Variants in RNASEH2B observed in about 807,000 individuals in gnomAD.
RNASEH2B encodes the protein Aicardi-Goutieres syndrome 2 protein.
A neutral mutation model predicts 45.0 loss-of-function variants in RNASEH2B; 36 were observed. The ratio of observed to expected loss-of-function variants is 0.80; its 90% CI spans 0.61 to 1.06. The LOEUF is 1.06. Among genes scored for constraint, RNASEH2B ranks in the 50% least tolerant of loss-of-function variants. The probability of loss-of-function intolerance (pLI) is 0.00; values close to 1 mark genes in which losing one functional copy is unlikely to be tolerated. For missense variants in RNASEH2B, 361 were observed against 360.3 expected (o/e 1.00, Z -0.02); for synonymous variants, 119 against 125.7 (o/e 0.95, Z 0.35).
intron 7 of RNASEH2B, among the ~76,000 whole-genome samples, chr13:50,945,894 T>C (rs1951895001): frequency 6.6e-6 from 1 of 152,170 alleles, no homozygotes; most frequent in Non-Finnish European, 1.5e-5. Context: ...ATAATGAGCA[T>C]CTTGAGGCCC....
intron 9 of RNASEH2B, among the ~76,000 whole-genome samples, chr13:50,964,192 C>T (rs1952142027): frequency 6.6e-6 from 1 of 152,154 alleles, no homozygotes; most frequent in African/African-American, 2.4e-5. Context: ...AGAGGAAACT[C>T]CATCTCAAAA....
chr13:50,927,549 T>C, intron 2 of RNASEH2B, 71 bp downstream of exon 2: 1 of 960,406 alleles, frequency 1.0e-6, no homozygotes, highest in Non-Finnish European at 1.7e-6. Context: ...TTTTATGTCT[T>C]TGTGTCCTTG....
Position 50,953,929 on chromosome 13 carries a change from G to T in RNASEH2B, c.766G>T (p.Val256Leu), listed in dbSNP as rs771299667. 43 of 1,606,708 alleles carry T rather than the reference G, an allele frequency of 2.7e-5. No individual in the cohort carries two copies. The highest frequency in any genetic ancestry group is 3.5e-5 in the Non-Finnish European group (41 of 1,173,452). The change falls in exon 10 of 11, where the codon GTA becomes TTA. Residue 256 changes from valine to leucine, a missense_variant. By Grantham distance (32) the Val-to-Leu change is conservative (BLOSUM62 1). Transcript: ENST00000336617. ...SKKIKLSDEP[V>L]EAKEDYTKFN... is the part of the protein sequence containing the mutation. ...GAAAATAAAGTTATCAGATGAGCCT[G>T]TAGAAGCAAAAGAAGATTACACTAA...
At position 50,943,044 on chromosome 13, in the gene RNASEH2B, G is replaced by A. The variant is rs768881092; in HGVS notation, c.437-277G>A. ...GATTATTTTCCTTTCACATTAGTTT[G>A]CTGAGGTTTTAAAATTACCTTTTCT... On this transcript the variant is annotated intron_variant, in intron 5 of 10. Transcript: ENST00000336617. The A allele has an allele frequency of 3.8e-4, 129 of 343,756 alleles. 1 individual carries two copies. Among genetic ancestry groups the A allele is most frequent in the Non-Finnish European group, 1.1e-4 (20 of 188,308 alleles). 21.3% of individuals were successfully genotyped at this position (343,756 alleles called of 1,614,324 possible).
intron 8 of RNASEH2B, chr13:50,949,172 C>T (rs527770445): frequency 9.4e-6 from 3 of 319,902 alleles, no homozygotes; most frequent in African/African-American, 4.3e-5. Context: ...ACTCCAACAC[C>T]GAAACACAAA....
chr13:50,927,528 A>C (rs1270894368), intron 2 of RNASEH2B, 50 bp downstream of exon 2: 1 of 1,130,440 alleles, frequency 8.8e-7, no homozygotes. Context: ...GTGGCTAATG[A>C]GTATATACAC....
intron 1 of RNASEH2B, chr13:50,911,578 C>T (rs1312491750): frequency 1.3e-5 from 2 of 152,146 alleles, no homozygotes; most frequent in African/African-American, 4.8e-5. Flanking sequence ...AAATGGTTTT[C>T]CAAAGTGGTT....
intron 1 of RNASEH2B, among the ~76,000 whole-genome samples, chr13:50,917,980 T>C (rs1029249095): frequency 2.0e-5 from 3 of 152,196 alleles, no homozygotes; most frequent in African/African-American, 7.2e-5. Context: ...CTGGTCTTTG[T>C]GGCTCTGAGT....
Position 50,962,726 on chromosome 13 carries a change from T to C in RNASEH2B, c.742-7206T>C, listed in dbSNP as rs141359872. Among the ~76,000 whole-genome samples, 1,200 of 152,278 alleles carry C rather than the reference T, an allele frequency of 7.9e-3. 21 individuals are homozygous for C. Among genetic ancestry groups the C allele is most frequent in the African/African-American group, 0.028 (1,150 of 41,578 alleles). ...TATTTCTTCTCCTTTACATAATGTGTCTCCTCCTCATGGGTTCTTTTAAGA... is the reference window on the plus strand; with the variant it reads ...TATTTCTTCTCCTTTACATAATGTGCCTCCTCCTCATGGGTTCTTTTAAGA... On this transcript the variant is annotated intron_variant, in intron 9 of 9. Transcript: ENST00000422660.
At chr13:50,954,995 G>A (rs977295189) in intron 10 of RNASEH2B, 1 of 152,136 alleles carries the variant, frequency 6.6e-6, no homozygotes, top group Non-Finnish European at 1.5e-5. Flanking sequence ...TGTTGAGATA[G>A]TAATGTTTCT....
chr13:50,920,338 G>C (rs916577979), intron 1 of RNASEH2B, among the ~76,000 whole-genome samples: 1 of 152,166 alleles, frequency 6.6e-6, no homozygotes, highest in Non-Finnish European at 1.5e-5. Flanking sequence ...GTGAGCCACC[G>C]TGCCTAGCCT....
chr13:50,970,002 G>A, exon 10 of RNASEH2B: 1 of 1,547,352 alleles, frequency 6.5e-7, no homozygotes, highest in Non-Finnish European at 8.7e-7. Flanking sequence ...GGTTTTCCCT[G>A]CAACTTCAGA....
In RNASEH2B at chr13:50,970,357, C is replaced by T. The variant is rs370311386; in HGVS notation, c.*393C>T. 1.5e-4 allele frequency: 64 copies of T among 438,622 alleles called. 1 individual carries two copies. The highest frequency in any genetic ancestry group is 1.2e-3 in the African/African-American group (59 of 48,580). The allele number at this position is 438,622 out of a possible 1,614,324, so 27.2% of individuals were successfully genotyped here. A position where few individuals can be genotyped will look rare whatever the true frequency, so the allele number is the denominator to read the frequency against. On this transcript the variant is annotated 3_prime_UTR_variant, in exon 10 of 10. Transcript: ENST00000422660. ...CAACCCTTACTTTAAAAATCTGACA[C>T]TGCTTTACTCCATATCAATTTGGAA...
chr13:50,909,913 C>A lies in RNASEH2B; in HGVS notation c.-164C>A. 1.9e-6 allele frequency: 1 copy of A among 519,228 alleles called. No individual in the cohort carries two copies. The highest frequency in any genetic ancestry group is 3.3e-6 in the Non-Finnish European group (1 of 302,610). 32.2% of individuals were successfully genotyped at this position (519,228 alleles called of 1,614,324 possible). Reference sequence around the variant, plus strand: ...CGTAACACGAGCAGCAGGCTGGTCTCGGAAACGAAACGAAATTCGGTCCCT... The same window carrying A: ...CGTAACACGAGCAGCAGGCTGGTCTAGGAAACGAAACGAAATTCGGTCCCT... On this transcript the variant is annotated 5_prime_UTR_variant, in exon 1 of 11. Transcript: ENST00000336617.
chr13:50,928,665 A>C (rs1322511969), intron 2 of RNASEH2B, among the ~76,000 whole-genome samples: 1 of 152,160 alleles, frequency 6.6e-6, no homozygotes, highest in Non-Finnish European at 1.5e-5. Flanking sequence ...TGGTTTAGGA[A>C]ATTTACATGT....
downstream of RNASEH2B, among the ~76,000 whole-genome samples, chr13:50,957,996 A>G (rs527834589): frequency 6.6e-6 from 1 of 152,050 alleles, no homozygotes; most frequent in South Asian, 2.1e-4. Context: ...TAGATTCTGG[A>G]TGTTAGTCTT....
At chr13:50,935,800 G>A (rs1373609371) in intron 5 of RNASEH2B, 1 of 152,940 alleles carries the variant, frequency 6.5e-6, no homozygotes, top group African/African-American at 2.4e-5. Flanking sequence ...AAAGGGCCCT[G>A]TGTGTGTTTG....
chr13:50,940,408 A>T (rs536795509), intron 5 of RNASEH2B, among the ~76,000 whole-genome samples: 5 of 152,228 alleles, frequency 3.3e-5, no homozygotes, highest in Admixed American at 3.3e-4. Context: ...CCTAAATAAA[A>T]TTCATTTTTA....
At chr13:50,969,532 A>G (rs1952200101) in intron 9 of RNASEH2B, among the ~76,000 whole-genome samples, 1 of 151,822 alleles carries the variant, frequency 6.6e-6, no homozygotes, top group East Asian at 1.9e-4. Context: ...CAAAAAAAAA[A>G]AAAAAAGAAA....
Sources: allele counts gnomAD v4.1 joint callset (sites outside exome capture counted in the v4.1 genomes callset), GRCh38; gene constraint gnomAD v4.1.1; transcripts MANE v1.5; gene names NCBI Gene and HGNC (gene_info 2026-07-23, HGNC 2026-07-21).